Variants in LSAMP observed in about 807,000 individuals in gnomAD.
LSAMP encodes the protein limbic system associated membrane protein.
A neutral mutation model predicts 38.6 loss-of-function variants in LSAMP; 7 were observed. The observed-to-expected ratio is 0.18, with a 90% confidence interval of 0.10 to 0.34. The LOEUF (loss-of-function observed/expected upper bound fraction) is 0.34, where lower values mean the gene tolerates loss of function less well. Ranked by LOEUF, LSAMP falls within the 10% of genes least tolerant of loss-of-function variation. The pLI, the probability that LSAMP is intolerant of heterozygous loss-of-function variation, is 1.00. For synonymous variants in LSAMP, 154 were observed against 166.8 expected, an observed-to-expected ratio of 0.92 and a Z score of 0.59; for missense variants, 313 against 420.0, an observed-to-expected ratio of 0.75 and a Z score of 2.23.
chr3:116,353,154 A>T (rs1056436173), intron 1 of LSAMP, among the ~76,000 whole-genome samples: 4 of 152,086 alleles, frequency 2.6e-5, no homozygotes, highest in Admixed American at 6.6e-5. Context: ...TAGGTTCATG[A>T]GACAGAGATA....
intron 1 of LSAMP, among the ~76,000 whole-genome samples, chr3:116,297,125 A>G (rs377112124): frequency 1.3e-5 from 2 of 152,338 alleles, no homozygotes; most frequent in Admixed American, 1.3e-4. Context: ...TGTTGTGACT[A>G]GGTTTCTTGT....
intron 1 of LSAMP, among the ~76,000 whole-genome samples, chr3:116,089,849 G>A (rs930794907): frequency 6.6e-6 from 1 of 151,802 alleles, no homozygotes; most frequent in African/African-American, 2.4e-5. Context: ...GATCTTTCAG[G>A]GTTCCTTTTT....
chr3:116,321,877 C>T (rs533197109), intron 1 of LSAMP, among the ~76,000 whole-genome samples: 38 of 152,264 alleles, frequency 2.5e-4, no homozygotes, highest in South Asian at 1.0e-3. Flanking sequence ...GCTCTTAAGG[C>T]TAGTTCCTTT....
chr3:116,004,732 G>A (rs1940107668), intron 3 of LSAMP, among the ~76,000 whole-genome samples: 1 of 151,770 alleles, frequency 6.6e-6, no homozygotes, highest in Non-Finnish European at 1.5e-5. Context: ...AGGTCAATAG[G>A]GAAACAAATG....
chr3:116,273,683 C>CAGATATATATATATATAT lies in LSAMP; in HGVS notation c.155+171193_155+171194insATATATATATATATATCT, dbSNP rs150705226. 6.5e-3 allele frequency among the ~76,000 whole-genome samples: 327 copies of CAGATATATATATATATAT among 50,312 alleles called. 14 individuals are homozygous for CAGATATATATATATATAT. The highest frequency in any genetic ancestry group is 0.018 in the African/African-American group (140 of 7,906). 33.0% of individuals were successfully genotyped at this position (50,312 alleles called of 152,430 possible). On this transcript the variant is annotated intron_variant, in intron 1 of 6. Coordinates refer to ENST00000490035, the MANE Select transcript of LSAMP (RefSeq NM_002338.5). ...GACCACCAAGAGAAAGAGAAAGAGGCATATATATATATATATATATATATA... is the reference window on the plus strand; with the variant it reads ...GACCACCAAGAGAAAGAGAAAGAGGCAGATATATATATATATATATATATATATATATATATATATATA...
chr3:116,110,650 T>TA (rs1239161540), intron 1 of LSAMP, among the ~76,000 whole-genome samples: 4 of 152,146 alleles, frequency 2.6e-5, no homozygotes, highest in Admixed American at 6.5e-5. Flanking sequence ...AGAGGCCGCT[T>TA]ACCAGATTTG....
chr3:115,897,992 T>G (rs187933731), intron 3 of LSAMP, among the ~76,000 whole-genome samples: 1 of 152,238 alleles, frequency 6.6e-6, no homozygotes, highest in East Asian at 1.9e-4. Context: ...TGAATTCAAA[T>G]CTCACTCCAG....
intron 3 of LSAMP, among the ~76,000 whole-genome samples, chr3:115,857,147 G>A (rs1273463672): frequency 6.6e-6 from 1 of 152,210 alleles, no homozygotes; most frequent in African/African-American, 2.4e-5. Context: ...GAAACCAACA[G>A]AGCTCCCTGT....
At chr3:116,008,930 G>C (rs1175110271) in intron 3 of LSAMP, among the ~76,000 whole-genome samples, 2 of 152,058 alleles carry the variant, frequency 1.3e-5, no homozygotes. Context: ...CCAATATTCT[G>C]CATTTCCTTG....
chr3:115,976,273 A>G (rs9840787), intron 3 of LSAMP, among the ~76,000 whole-genome samples: 66,123 of 152,010 alleles, frequency 0.43, 15,180 homozygotes, highest in African/African-American at 0.59. Flanking sequence ...TTTTTCCAGA[A>G]AATAAACAAT....
chr3:116,411,214 A>G (rs943357288), intron 1 of LSAMP, among the ~76,000 whole-genome samples: 3 of 152,066 alleles, frequency 2.0e-5, no homozygotes, highest in Non-Finnish European at 1.5e-5. Flanking sequence ...GGAAGTCAGT[A>G]TGGCGATGCC....
chr3:115,841,624 C>T (rs1934998135), intron 6 of LSAMP: 2 of 427,706 alleles, frequency 4.7e-6, no homozygotes, highest in South Asian at 7.6e-5. Flanking sequence ...AAACAAACAA[C>T]AAGGCAGTTA....
intron 1 of LSAMP, among the ~76,000 whole-genome samples, chr3:116,259,233 C>G (rs548060612): frequency 3.0e-4 from 46 of 152,268 alleles, no homozygotes; most frequent in South Asian, 2.9e-3. Context: ...ATCTTACCAA[C>G]AGTGCACATG....
chr3:116,317,418 C>G (rs1016560025), intron 1 of LSAMP, among the ~76,000 whole-genome samples: 1 of 151,070 alleles, frequency 6.6e-6, no homozygotes, highest in Non-Finnish European at 1.5e-5. Context: ...CGCAGTGGCG[C>G]GATCTCGGCT....
intron 1 of LSAMP, among the ~76,000 whole-genome samples, chr3:116,123,426 G>A (rs1333459528): frequency 1.3e-5 from 2 of 152,154 alleles, no homozygotes; most frequent in Non-Finnish European, 2.9e-5. Flanking sequence ...CAAAAGTCTA[G>A]GTTTTTCAAT....
chr3:115,918,028 C>T (rs1375990124), intron 3 of LSAMP, among the ~76,000 whole-genome samples: 1 of 152,148 alleles, frequency 6.6e-6, no homozygotes, highest in Non-Finnish European at 1.5e-5. Context: ...GAAATCGGGG[C>T]CAGTGCTGTG....
chr3:116,082,342 G>A (rs1707888415), intron 2 of LSAMP, among the ~76,000 whole-genome samples: 1 of 152,156 alleles, frequency 6.6e-6, no homozygotes, highest in Admixed American at 6.5e-5. Flanking sequence ...CTCTCTGATT[G>A]CTTAGATCCT....
chr3:116,413,379 C>T (rs1369626323), intron 1 of LSAMP, among the ~76,000 whole-genome samples: 2 of 151,992 alleles, frequency 1.3e-5, no homozygotes, highest in Admixed American at 6.6e-5. Context: ...AACACTTTCT[C>T]ATTTATTAAG....
chr3:116,358,384 G>T lies in LSAMP; in HGVS notation c.155+86493C>A, dbSNP rs149298666. Among the ~76,000 whole-genome samples, 434 of 152,220 alleles carry T rather than the reference G, an allele frequency of 2.9e-3. 1 individual carries two copies. The highest frequency in any genetic ancestry group is 5.1e-3 in the Non-Finnish European group (346 of 68,014). ...TAGTAATATAGTTTGAGGATATATG[G>T]ATATAGGGGAGTTGCTGGATGACAA... On this transcript the variant is annotated intron_variant, in intron 1 of 6. Coordinates refer to ENST00000490035, the MANE Select transcript of LSAMP (RefSeq NM_002338.5).
Sources: gnomAD v4.1 joint callset for allele counts (sites outside exome capture counted in the v4.1 genomes callset) on GRCh38, gnomAD v4.1.1 for gene constraint, MANE v1.5 for transcripts, NCBI Gene and HGNC (gene_info 2026-07-23, HGNC 2026-07-21) for gene names.